Variants in ZNF407 observed in about 807,000 individuals in gnomAD.
The protein encoded by ZNF407 is zinc finger protein 407.
Under a neutral mutation model 131.2 loss-of-function variants are expected in ZNF407, and 17 were observed. The observed-to-expected ratio is 0.13, with a 90% CI of 0.09 to 0.19. ZNF407 has a LOEUF of 0.19. Ranked by LOEUF, ZNF407 falls within the 10% of genes least tolerant of loss-of-function variation. The pLI is 1.00. For missense variants in ZNF407, 2,681 were observed against 2,830.6 expected, an observed-to-expected ratio of 0.95 and a Z score of 1.20; for synonymous variants, 1,156 against 1,062.0, an observed-to-expected ratio of 1.09 and a Z score of -1.72.
intron 8 of ZNF407, among the ~76,000 whole-genome samples, chr18:74,936,438 AGTGTTT>A (rs1401663515): frequency 6.6e-6 from 1 of 152,146 alleles, no homozygotes; most frequent in Non-Finnish European, 1.5e-5. Context: ...GTTTTATCTG[AGTGTTT>A]GTTTAGTGAG....
intron 4 of ZNF407, among the ~76,000 whole-genome samples, chr18:74,842,185 A>T (rs1970643291): frequency 6.6e-6 from 1 of 152,108 alleles, no homozygotes; most frequent in Non-Finnish European, 1.5e-5. Flanking sequence ...AGCTTACCTT[A>T]TTCATGGCTA....
At chr18:75,059,475 T>C (rs986367270) in intron 8 of ZNF407, among the ~76,000 whole-genome samples, 4 of 152,206 alleles carry the variant, frequency 2.6e-5, no homozygotes, top group Admixed American at 2.6e-4. Flanking sequence ...TGTGTCCTTA[T>C]TTCCGTTTTT....
chr18:74,633,534 C>A lies in ZNF407; in HGVS notation c.2515C>A (p.Pro839Thr), dbSNP rs779139796. 8 of 1,613,824 alleles carry A rather than the reference C, an allele frequency of 5.0e-6. No individual in the cohort carries two copies. Among genetic ancestry groups the A allele is most frequent in the African/African-American group, 4.0e-5 (3 of 74,918 alleles). The change falls in exon 2 of 9, where the codon CCA becomes ACA. Residue 839 changes from proline to threonine, a missense_variant. Physicochemically the swap from Pro to Thr is conservative, Grantham distance 38 (BLOSUM62 -1). This residue lies in a region of ZNF407 where 1,789 missense variants were observed against 1,748.7 expected (regional missense o/e 1.02). Transcript: ENST00000299687. Reference protein sequence around the residue: ...KDDELASTTTPKRGRPKGNIS... With the variant: ...KDDELASTTTTKRGRPKGNIS... ...TGATGAATTAGCTTCAACCACTACTCCAAAGAGAGGGAGACCTAAAGGTAA... is the reference window on the plus strand; with the variant it reads ...TGATGAATTAGCTTCAACCACTACTACAAAGAGAGGGAGACCTAAAGGTAA...
intron 4 of ZNF407, among the ~76,000 whole-genome samples, chr18:74,782,583 T>C (rs1969625598): frequency 6.6e-6 from 1 of 151,612 alleles, no homozygotes. Context: ...CTCTTCTCTC[T>C]TCTTTCTTCC....
At chr18:74,841,299 A>G (rs1970629510) in intron 4 of ZNF407, among the ~76,000 whole-genome samples, 1 of 152,182 alleles carries the variant, frequency 6.6e-6, no homozygotes, top group Non-Finnish European at 1.5e-5. Context: ...CAAGCCCTGC[A>G]TATTAGTTCC....
At chr18:75,047,798 C>T (rs1973452755) in intron 8 of ZNF407, among the ~76,000 whole-genome samples, 1 of 152,218 alleles carries the variant, frequency 6.6e-6, no homozygotes, top group African/African-American at 2.4e-5. Flanking sequence ...GGCAATTCTG[C>T]TTTGAGTTTC....
chr18:74,859,182 G>A (rs1207848946), intron 4 of ZNF407, among the ~76,000 whole-genome samples: 2 of 152,202 alleles, frequency 1.3e-5, no homozygotes, highest in Non-Finnish European at 2.9e-5. Flanking sequence ...GGGTACGCAT[G>A]TTGAAAGTTA....
At chr18:74,927,869 G>A (rs967433191) in intron 8 of ZNF407, among the ~76,000 whole-genome samples, 1 of 152,148 alleles carries the variant, frequency 6.6e-6, no homozygotes, top group Non-Finnish European at 1.5e-5. Context: ...TAGTGTAACA[G>A]TCTGAGCATA....
chr18:74,884,809 G>A (rs1347049408), intron 6 of ZNF407, among the ~76,000 whole-genome samples: 4 of 151,990 alleles, frequency 2.6e-5, no homozygotes, highest in Non-Finnish European at 5.9e-5. Context: ...GTTAAACTAC[G>A]AAACCAAGAA....
At chr18:74,996,763 A>G (rs560818074) in intron 8 of ZNF407, among the ~76,000 whole-genome samples, 1 of 152,364 alleles carries the variant, frequency 6.6e-6, no homozygotes, top group East Asian at 1.9e-4. Context: ...CAAGGCAGAG[A>G]AAATAAAATA....
intron 8 of ZNF407, among the ~76,000 whole-genome samples, chr18:75,025,516 A>G (rs1368957805): frequency 1.3e-5 from 2 of 152,148 alleles, no homozygotes; most frequent in African/African-American, 4.8e-5. Flanking sequence ...ATTTTGGAGG[A>G]GCAGGTCTGT....
intron 8 of ZNF407, among the ~76,000 whole-genome samples, chr18:74,987,912 A>C (rs866765456): frequency 6.6e-6 from 1 of 152,180 alleles, no homozygotes; most frequent in African/African-American, 2.4e-5. Context: ...ATCCCAGCCA[A>C]ATCCTAGGAG....
At chr18:74,772,812 G>A (rs1969389202) in intron 3 of ZNF407, among the ~76,000 whole-genome samples, 1 of 152,122 alleles carries the variant, frequency 6.6e-6, no homozygotes, top group South Asian at 2.1e-4. Context: ...AATTGTATGG[G>A]AGAGTGCCTT....
intron 4 of ZNF407, among the ~76,000 whole-genome samples, chr18:74,837,437 T>A (rs1970573678): frequency 1.3e-5 from 2 of 152,024 alleles, no homozygotes; most frequent in Non-Finnish European, 2.9e-5. Context: ...TGTGAAATAA[T>A]AATGCCTGTT....
At position 74,632,410 on chromosome 18, in the gene ZNF407, T is replaced by G. The variant is rs764787764; in HGVS notation, c.1391T>G (p.Leu464Trp). Reference protein sequence around the residue: ...SETQRMYMKHLRTQMKTHDAE... With the variant: ...SETQRMYMKHWRTQMKTHDAE... Reference sequence around the variant, plus strand: ...ACTCAGAGGATGTATATGAAACACTTGAGAACACAGATGAAAACACACGAT... The same window carrying G: ...ACTCAGAGGATGTATATGAAACACTGGAGAACACAGATGAAAACACACGAT... The change falls in exon 2 of 9, where the codon TTG (leucine) becomes TGG (tryptophan). Residue 464 changes from leucine (L) to tryptophan (W), a missense_variant. Leu to Trp is a moderately conservative substitution (Grantham distance 61, BLOSUM62 -2). Coordinates refer to ENST00000299687, the MANE Select transcript of ZNF407 (RefSeq NM_017757.3). 5.6e-6 allele frequency: 9 copies of G among 1,614,010 alleles called. No individual in the cohort carries two copies. The South Asian group carries it at 6.6e-5, about 12-fold the overall frequency.
intron 8 of ZNF407, among the ~76,000 whole-genome samples, chr18:74,929,439 C>T (rs1971956154): frequency 6.6e-6 from 1 of 151,774 alleles, no homozygotes; most frequent in African/African-American, 2.4e-5. Flanking sequence ...TCCCCTCTGA[C>T]AGCTTCATTT....
chr18:74,849,721 T>G (rs1360691925), intron 4 of ZNF407, among the ~76,000 whole-genome samples: 1 of 152,178 alleles, frequency 6.6e-6, no homozygotes, highest in African/African-American at 2.4e-5. Context: ...ACGAAGGAGA[T>G]TCCCTGAGAC....
chr18:74,906,210 A>G (rs867801722), intron 7 of ZNF407, among the ~76,000 whole-genome samples: 17 of 152,250 alleles, frequency 1.1e-4, no homozygotes, highest in African/African-American at 4.1e-4. Flanking sequence ...GGTGTTTGTA[A>G]AGAATAAAGA....
intron 3 of ZNF407, among the ~76,000 whole-genome samples, chr18:74,644,451 G>A (rs1984874889): frequency 6.6e-6 from 1 of 151,646 alleles, no homozygotes; most frequent in Non-Finnish European, 1.5e-5. Context: ...TTACATCCAT[G>A]ATCTTTACCT....
Sources: gnomAD v4.1 joint callset for allele counts (sites outside exome capture counted in the v4.1 genomes callset) on GRCh38, gnomAD v4.1.1 for gene constraint, gnomAD v4.1.1 regional missense constraint, MANE v1.5 for transcripts, NCBI Gene and HGNC (gene_info 2026-07-23, HGNC 2026-07-21) for gene names.